HYCC2: variants seen among roughly 807,000 people sequenced by gnomAD.
HYCC2 encodes the protein hyccin 2.
the HYCC2 span, chr2:200,987,633 A>G: frequency 3.5e-6 from 3 of 864,220 alleles, no homozygotes; most frequent in Non-Finnish European, 4.7e-6. Context: ...TGGATATGAT[A>G]TAAACACAAA....
chr2:201,026,355 A>G, the HYCC2 span, among the ~76,000 whole-genome samples: 3 of 152,186 alleles, frequency 2.0e-5, no homozygotes, highest in Non-Finnish European at 4.4e-5. Context: ...ACTCCCAAAC[A>G]GTAATAATGG....
At chr2:201,045,992 C>T in the HYCC2 span, among the ~76,000 whole-genome samples, 1 of 152,214 alleles carries the variant, frequency 6.6e-6, no homozygotes, top group African/African-American at 2.4e-5. Flanking sequence ...AACACACAAT[C>T]ATTTTAAAAA....
the HYCC2 span, among the ~76,000 whole-genome samples, chr2:201,042,494 C>G: frequency 6.6e-6 from 1 of 151,526 alleles, no homozygotes; most frequent in Non-Finnish European, 1.5e-5. Flanking sequence ...CCGCCGCGAC[C>G]CCGTCTGGGA....
At chr2:201,052,516 G>A in the HYCC2 span, among the ~76,000 whole-genome samples, 1 of 152,146 alleles carries the variant, frequency 6.6e-6, no homozygotes, top group African/African-American at 2.4e-5. Flanking sequence ...GCTGAGGTGG[G>A]AAGATCACTT....
the HYCC2 span, among the ~76,000 whole-genome samples, chr2:201,033,159 A>ATGTG: frequency 0.022 from 2,644 of 117,858 alleles, 72 homozygotes; most frequent in East Asian, 0.13. Flanking sequence ...ATGTGTGTGT[A>ATGTG]TGTGTGTGTG....
the HYCC2 span, among the ~76,000 whole-genome samples, chr2:201,031,546 G>C: frequency 6.6e-6 from 1 of 152,154 alleles, no homozygotes. Flanking sequence ...AGCTACTCAG[G>C]ATGCTGAGGC....
At chr2:201,068,392 A>G in the HYCC2 span, among the ~76,000 whole-genome samples, 1 of 152,206 alleles carries the variant, frequency 6.6e-6, no homozygotes, top group Non-Finnish European at 1.5e-5. Context: ...CCCTTTCTCT[A>G]AAGCTGAAAC....
the HYCC2 span, among the ~76,000 whole-genome samples, chr2:201,006,804 T>A: frequency 1.3e-5 from 2 of 152,188 alleles, no homozygotes; most frequent in African/African-American, 2.4e-5. Context: ...GGTTATAATA[T>A]TGGTCATATG....
chr2:201,023,313 C>T, the HYCC2 span, among the ~76,000 whole-genome samples: 1 of 151,708 alleles, frequency 6.6e-6, no homozygotes, highest in Non-Finnish European at 1.5e-5. Context: ...CGTGCCACTG[C>T]ACTCCAGCCT....
At chr2:200,989,708 GGAGGCTGGGGCAGGAGGACCACTT>G in the HYCC2 span, among the ~76,000 whole-genome samples, 3 of 152,076 alleles carry the variant, frequency 2.0e-5, no homozygotes, top group Admixed American at 1.3e-4. Context: ...CAGCTACTCA[GGAGGCTGGGGCAGGAGGACCACTT>G]GAGCCCGGAA....
chr2:201,044,409 G>A, the HYCC2 span, among the ~76,000 whole-genome samples: 1 of 152,142 alleles, frequency 6.6e-6, no homozygotes, highest in East Asian at 1.9e-4. Context: ...TTATTAGCAA[G>A]CCCTAACTAC....
chr2:200,994,982 T>C, the HYCC2 span, among the ~76,000 whole-genome samples: 1 of 146,816 alleles, frequency 6.8e-6, no homozygotes, highest in Non-Finnish European at 1.5e-5. Context: ...CATTCTAGCC[T>C]GGGTGACAAA....
the HYCC2 span, among the ~76,000 whole-genome samples, chr2:201,068,431 T>C: frequency 2.0e-5 from 3 of 152,214 alleles, no homozygotes; most frequent in Admixed American, 2.0e-4. Context: ...CCACAAGTGC[T>C]AGAGCCTTGA....
At chr2:201,063,566 G>A in the HYCC2 span, 1 of 1,586,134 alleles carries the variant, frequency 6.3e-7, no homozygotes, top group Admixed American at 1.7e-5. Flanking sequence ...TGACTCCGTG[G>A]ATAAGATTGT....
At chr2:201,065,267 C>T in the HYCC2 span, among the ~76,000 whole-genome samples, 1 of 152,176 alleles carries the variant, frequency 6.6e-6, no homozygotes, top group Non-Finnish European at 1.5e-5. Flanking sequence ...CAAGTTGTTA[C>T]ATTTTATTAA....
chr2:201,054,638 C>G, the HYCC2 span, among the ~76,000 whole-genome samples: 1 of 152,046 alleles, frequency 6.6e-6, no homozygotes, highest in Non-Finnish European at 1.5e-5. Flanking sequence ...ACAATTTACT[C>G]CCATTTAGTG....
chr2:201,050,252 A>T, the HYCC2 span, among the ~76,000 whole-genome samples: 1 of 151,842 alleles, frequency 6.6e-6, no homozygotes, highest in African/African-American at 2.4e-5. Flanking sequence ...AACAAAAAAA[A>T]CCATGTCAGT....
At chr2:201,037,541 G>T in the HYCC2 span, among the ~76,000 whole-genome samples, 1 of 152,150 alleles carries the variant, frequency 6.6e-6, no homozygotes, top group Non-Finnish European at 1.5e-5. Context: ...TACCAAAAGA[G>T]AGATATAGAC....
the HYCC2 span, among the ~76,000 whole-genome samples, chr2:201,036,982 T>C: frequency 6.6e-6 from 1 of 152,222 alleles, no homozygotes; most frequent in East Asian, 1.9e-4. Flanking sequence ...GACATGATTG[T>C]ATATCTAGAA....
Sources: gnomAD v4.1 joint callset for allele counts (sites outside exome capture counted in the v4.1 genomes callset) on GRCh38, gnomAD v4.1.1 for gene constraint, MANE v1.5 for transcripts, NCBI Gene and HGNC (gene_info 2026-07-23, HGNC 2026-07-21) for gene names.